Variants in PRDM6 observed in about 807,000 individuals in gnomAD.
PRDM6 encodes PR/SET domain 6.
Under a neutral mutation model 60.8 loss-of-function variants are expected in PRDM6, and 25 were observed. That is an observed-to-expected ratio of 0.41 (90% confidence interval 0.30 to 0.57). The LOEUF (loss-of-function observed/expected upper bound fraction) is 0.57. PRDM6 is among the 20% of genes least tolerant of loss of function. The pLI, the probability that PRDM6 is intolerant of heterozygous loss-of-function variation, is 0.27. For synonymous variants in PRDM6, 407 were observed against 357.4 expected (o/e 1.14, Z -1.57); for missense variants, 839 against 821.3 (o/e 1.02, Z -0.26).
intron 3 of PRDM6, among the ~76,000 whole-genome samples, chr5:123,127,902 A>ATGGCTGCACAGTATTCCATGGTGTATATG (rs1764729604): frequency 6.6e-6 from 1 of 151,984 alleles, no homozygotes; most frequent in Non-Finnish European, 1.5e-5. Flanking sequence ...ATTTCTCCTA[A>ATGGCTGCACAGTATTCCATGGTGTATATG]TGCTATCCTT....
At chr5:123,176,556 T>C (rs1766016416) in intron 6 of PRDM6, among the ~76,000 whole-genome samples, 1 of 151,536 alleles carries the variant, frequency 6.6e-6, no homozygotes, top group South Asian at 2.1e-4. Flanking sequence ...ACAAAAAATA[T>C]AAAAATTAGC....
chr5:123,095,570 G>C (rs1283885297), intron 2 of PRDM6, among the ~76,000 whole-genome samples: 1 of 152,264 alleles, frequency 6.6e-6, no homozygotes, highest in Non-Finnish European at 1.5e-5. Flanking sequence ...CGCCGGGCTG[G>C]GATCGATGGG....
intron 3 of PRDM6, among the ~76,000 whole-genome samples, chr5:123,154,825 A>G (rs188022128): frequency 2.8e-4 from 42 of 152,296 alleles, no homozygotes; most frequent in Admixed American, 2.0e-3. Context: ...TTTTATCTGA[A>G]AAGGTGCAGT....
chr5:123,134,457 C>T (rs1007935351), intron 3 of PRDM6, among the ~76,000 whole-genome samples: 4 of 151,988 alleles, frequency 2.6e-5, no homozygotes, highest in African/African-American at 7.2e-5. Flanking sequence ...GGAATTGGTA[C>T]AGTATGTTAA....
In PRDM6 at chr5:123,190,766, T is replaced by G. The variant is rs1045346783; in HGVS notation, c.*3565T>G. ...TATTCAACAAGTATTTATTGAACTC[T>G]TATTTTATATAAAGACCCCATTTTA... On this transcript the variant is annotated 3_prime_UTR_variant, in exon 8 of 8. Coordinates refer to ENST00000407847, the MANE Select transcript of PRDM6 (RefSeq NM_001136239.4). The G allele has an allele frequency of 3.9e-5, 6 of 152,348 alleles. No individual in the cohort carries two copies. Among genetic ancestry groups the G allele is most frequent in the Non-Finnish European group, 8.8e-5 (6 of 68,030 alleles). 9.4% of individuals were successfully genotyped at this position (152,348 alleles called of 1,614,324 possible).
Position 123,090,456 on chromosome 5 carries a change from G to C in PRDM6, c.442G>C (p.Val148Leu). The change falls in exon 2 of 8, where the codon GTC becomes CTC. Residue 148 changes from valine to leucine, a missense_variant. Val to Leu is a conservative substitution (Grantham distance 32). Around this residue, in one of 2 missense-constraint regions of PRDM6, gnomAD observed 730 missense variants for 648.8 expected, o/e 1.13. Coordinates refer to ENST00000407847, the MANE Select transcript of PRDM6 (RefSeq NM_001136239.4). The part of the protein sequence containing the change: ...CLGATSGPGP[V>L]KCGGGGGGGG... Reference sequence around the variant, plus strand: ...CGGCGCCACCTCCGGCCCCGGGCCCGTCAAGTGCGGTGGTGGTGGCGGCGG... The same window carrying C: ...CGGCGCCACCTCCGGCCCCGGGCCCCTCAAGTGCGGTGGTGGTGGCGGCGG... 1 of 1,471,446 alleles carries C rather than the reference G, an allele frequency of 6.8e-7. No homozygotes were observed. The highest frequency in any genetic ancestry group is 1.3e-5 in the South Asian group (1 of 76,168). The allele number at this position is 1,471,446 out of a possible 1,614,324, so 91.1% of individuals were successfully genotyped here.
At chr5:123,120,533 A>T (rs201646877) in intron 3 of PRDM6, among the ~76,000 whole-genome samples, 1 of 3,328 alleles carries the variant, frequency 3.0e-4, no homozygotes, top group Non-Finnish European at 1.6e-3. Flanking sequence ...GATGTTCATT[A>T]CCAAAAATTC....
intron 6 of PRDM6, among the ~76,000 whole-genome samples, chr5:123,174,562 G>A (rs1765962850): frequency 6.6e-6 from 1 of 152,118 alleles, no homozygotes; most frequent in Admixed American, 6.5e-5. Flanking sequence ...TTTATTCAAT[G>A]GACTGAATAT....
chr5:123,103,052 A>G, intron 3 of PRDM6, among the ~76,000 whole-genome samples: 1 of 152,110 alleles, frequency 6.6e-6, no homozygotes, highest in East Asian at 1.9e-4. Flanking sequence ...GTTTGTAAGC[A>G]TGCAATCATT....
rs900022651 is a variant in PRDM6, at chr5:123,156,092, G to T, written c.1028+81G>T. 22 of 1,368,110 alleles carry T rather than the reference G, an allele frequency of 1.6e-5. No individual in the cohort carries two copies. The Admixed American group carries it at 5.4e-4, about 33-fold the overall frequency. The allele number at this position is 1,368,110 out of a possible 1,614,324, so 84.7% of individuals were successfully genotyped here. ...ACAAATTCAGGCTTGCCACTGGTGG[G>T]TAAAAAAAATCCTGCAGAACTCTGC... On this transcript the variant is annotated intron_variant, in intron 4 of 7. Coordinates refer to ENST00000407847, the MANE Select transcript of PRDM6 (RefSeq NM_001136239.4).
rs1340078689 is a variant in PRDM6, at chr5:123,169,344, A to G, written c.1154-1422A>G. On this transcript the variant is annotated intron_variant, in intron 5 of 7. Transcript: ENST00000407847. ...ATAAAAAGAACAGCAAATTCTAGCT[A>G]TATTATTAGATTTATCTCCTCGGAA... 2.6e-5 allele frequency among the ~76,000 whole-genome samples: 4 copies of G among 152,248 alleles called. No individual in the cohort carries two copies. The East Asian group carries it at 5.8e-4, about 22-fold the overall frequency.
intron 6 of PRDM6, among the ~76,000 whole-genome samples, chr5:123,174,325 T>C (rs1485137354): frequency 6.6e-6 from 1 of 152,242 alleles, no homozygotes. Flanking sequence ...TTTAGCAATA[T>C]ATGCCCATTC....
chr5:123,110,661 G>A (rs931120863), intron 3 of PRDM6, among the ~76,000 whole-genome samples: 1 of 148,380 alleles, frequency 6.7e-6, no homozygotes, highest in Admixed American at 6.8e-5. Flanking sequence ...TCCGCCTCCC[G>A]GGTTCAAGCT....
chr5:123,130,448 G>T (rs1442807841), intron 3 of PRDM6, among the ~76,000 whole-genome samples: 1 of 150,212 alleles, frequency 6.7e-6, no homozygotes, highest in African/African-American at 2.5e-5. Context: ...AAATTTTCAA[G>T]CATGAGGAAT....
At chr5:123,122,619 T>A (rs1229768256) in intron 3 of PRDM6, among the ~76,000 whole-genome samples, 1 of 152,200 alleles carries the variant, frequency 6.6e-6, no homozygotes, top group Non-Finnish European at 1.5e-5. Flanking sequence ...TAGTTATCGA[T>A]CTTTTCATTG....
At chr5:123,112,450 C>T (rs1358738650) in intron 3 of PRDM6, among the ~76,000 whole-genome samples, 4 of 152,214 alleles carry the variant, frequency 2.6e-5, no homozygotes, top group Non-Finnish European at 5.9e-5. Flanking sequence ...TTTCCCTCCT[C>T]GGCTTCCCAT....
intron 6 of PRDM6, among the ~76,000 whole-genome samples, chr5:123,175,446 T>G (rs1765983550): frequency 6.6e-6 from 1 of 152,170 alleles, no homozygotes. Context: ...TTCATCATCA[T>G]AATAGTTTCT....
At chr5:123,143,896 A>G (rs150549789) in intron 3 of PRDM6, among the ~76,000 whole-genome samples, 1,849 of 152,296 alleles carry the variant, frequency 0.012, 16 homozygotes, top group Middle Eastern at 0.054. Context: ...ATTTATAAAA[A>G]TGTTAATTTA....
At chr5:123,155,811 A>C in intron 3 of PRDM6, 73 bp from the exon 4 acceptor site, 2 of 1,499,448 alleles carry the variant, frequency 1.3e-6, no homozygotes, top group Non-Finnish European at 1.8e-6. Context: ...ACACATAAAG[A>C]CACCAAGGGA....
Sources: gnomAD v4.1 joint callset for allele counts (sites outside exome capture counted in the v4.1 genomes callset) on GRCh38, gnomAD v4.1.1 for gene constraint, gnomAD v4.1.1 regional missense constraint, MANE v1.5 for transcripts, NCBI Gene and HGNC (gene_info 2026-07-23, HGNC 2026-07-21) for gene names.